NTM: variants seen among roughly 807,000 people sequenced by gnomAD.
NTM encodes neurotrimin, also known as IgLON family member 2.
In NTM, 13 loss-of-function variants were observed where a neutral mutation model predicts 42.1. The observed-to-expected ratio is 0.31, with a 90% CI of 0.20 to 0.49. The LOEUF is 0.49. NTM is among the 20% of genes least tolerant of loss of function. The probability of loss-of-function intolerance (pLI) is 0.99; values close to 1 mark genes in which losing one functional copy is unlikely to be tolerated. For synonymous variants in NTM, 187 were observed against 179.2 expected, an observed-to-expected ratio of 1.04 and a Z score of -0.35; for missense variants, 373 against 452.8, an observed-to-expected ratio of 0.82 and a Z score of 1.60.
At chr11:131,425,182 A>C (rs924266662) in intron 1 of NTM, among the ~76,000 whole-genome samples, 1 of 152,052 alleles carries the variant, frequency 6.6e-6, no homozygotes, top group African/African-American at 2.4e-5. Context: ...GCGCCTGGCT[A>C]GTTGTCTCCT....
At chr11:131,731,247 CA>C (rs1368291212) in intron 1 of NTM, among the ~76,000 whole-genome samples, 6 of 152,264 alleles carry the variant, frequency 3.9e-5, no homozygotes, top group Non-Finnish European at 7.4e-5. Context: ...AGGAAAATCA[CA>C]AGCATTGTGT....
chr11:131,803,283 T>G (rs937062657), intron 1 of NTM, among the ~76,000 whole-genome samples: 6 of 151,522 alleles, frequency 4.0e-5, no homozygotes, highest in Non-Finnish European at 8.8e-5. Flanking sequence ...AGTTTGTCAC[T>G]AACGTATTTT....
chr11:131,685,598 A>G (rs1056768639), intron 1 of NTM, among the ~76,000 whole-genome samples: 1 of 152,156 alleles, frequency 6.6e-6, no homozygotes, highest in African/African-American at 2.4e-5. Context: ...GCAAGTGAAT[A>G]GCTCCTTCAC....
At chr11:132,255,888 G>A (rs562530771) in intron 4 of NTM, among the ~76,000 whole-genome samples, 29 of 152,106 alleles carry the variant, frequency 1.9e-4, no homozygotes, top group African/African-American at 4.3e-4. Flanking sequence ...AGCTGGTCTC[G>A]GTTGCACATC....
At chr11:131,608,159 T>A (rs893490010) in intron 1 of NTM, among the ~76,000 whole-genome samples, 4 of 152,210 alleles carry the variant, frequency 2.6e-5, no homozygotes, top group Non-Finnish European at 5.9e-5. Flanking sequence ...TGGTTTTTTA[T>A]CCTTGCGATA....
intron 1 of NTM, among the ~76,000 whole-genome samples, chr11:131,812,493 T>C (rs919146169): frequency 6.6e-6 from 1 of 152,024 alleles, no homozygotes; most frequent in African/African-American, 2.4e-5. Flanking sequence ...CTTCTCTCCA[T>C]CCCTCCTTTT....
intron 1 of NTM, among the ~76,000 whole-genome samples, chr11:131,892,420 G>A (rs545843828): frequency 2.0e-5 from 3 of 152,326 alleles, no homozygotes; most frequent in African/African-American, 7.2e-5. Context: ...TTACAATTGT[G>A]TGCACATAGT....
rs1441055418 is a variant in NTM at position 132,146,248 on chromosome 11, G to T, written c.168-34G>T. The T allele has an allele frequency of 6.2e-7, 1 of 1,611,980 alleles. No individual in the cohort carries two copies. Among genetic ancestry groups the T allele is most frequent in the Non-Finnish European group, 8.5e-7 (1 of 1,178,608 alleles). ...CTCTGATGGCTGCTGTCGTCTCTCA[G>T]TCCCTTGACGTACCTGTCTGGTCTT... On this transcript the variant is annotated intron_variant, in intron 2 of 8. Transcript: ENST00000683400. The surrounding 1 kb of genome is among the most constrained non-coding windows in gnomAD (Gnocchi z 4.5).
intron 1 of NTM, chr11:131,538,626 C>T (rs1017714015): frequency 6.6e-6 from 1 of 152,278 alleles, no homozygotes; most frequent in Admixed American, 6.5e-5. Context: ...TGTTGGTTCT[C>T]TCTGGACTGT....
Position 132,322,849 on chromosome 11 carries a change from CA to C in NTM, c.935-7301del, listed in dbSNP as rs1297371973. On this transcript the variant is annotated intron_variant, in intron 7 of 8. Transcript: ENST00000683400. ...ACTATATCTCAGACCACAGTGCAAT[CA>C]AACTAGAACTCAGGATTAAGAATCT... 1.4e-5 allele frequency among the ~76,000 whole-genome samples: 2 copies of C among 146,204 alleles called. 1 individual carries two copies. The highest frequency in any genetic ancestry group is 3.0e-5 in the Non-Finnish European group (2 of 65,734).
At chr11:131,650,382 A>T (rs373976869) in intron 1 of NTM, among the ~76,000 whole-genome samples, 1 of 152,152 alleles carries the variant, frequency 6.6e-6, no homozygotes, top group Admixed American at 6.5e-5. Context: ...TACTGACCTC[A>T]TTGGATGATG....
chr11:131,804,685 C>T (rs555020877), intron 1 of NTM, among the ~76,000 whole-genome samples: 1 of 152,184 alleles, frequency 6.6e-6, no homozygotes, highest in Non-Finnish European at 1.5e-5. Context: ...CTTCCTTGTA[C>T]CCCCAGGCCG....
Position 132,146,906 on chromosome 11 carries a change from T to C in NTM, c.400+392T>C. 4.6e-6 allele frequency: 1 copy of C among 215,160 alleles called. No homozygotes were observed. Among genetic ancestry groups the C allele is most frequent in the Non-Finnish European group, 9.2e-6 (1 of 108,122 alleles). The allele number at this position is 215,160 out of a possible 1,614,324, so 13.3% of individuals were successfully genotyped here. A position where few individuals can be genotyped will look rare whatever the true frequency, so the allele number is the denominator to read the frequency against. ...TTAAAACCAGACTTTTAATGCACTT[T>C]TGGAAGTACAGGTATGCCATGTCCC... On this transcript the variant is annotated intron_variant, in intron 3 of 8. Coordinates refer to ENST00000683400, the MANE Select transcript of NTM (RefSeq NM_001352005.2). This position sits in a 1 kb window ranked among gnomAD's most constrained non-coding sequence, Gnocchi z 4.5.
chr11:131,694,626 G>A (rs554265754), intron 1 of NTM, among the ~76,000 whole-genome samples: 57 of 152,330 alleles, frequency 3.7e-4, no homozygotes, highest in African/African-American at 1.3e-3. Context: ...AATGAGCTCA[G>A]GCAGGACAGG....
chr11:131,419,053 A>G (rs1179654891), intron 1 of NTM, among the ~76,000 whole-genome samples: 1 of 152,176 alleles, frequency 6.6e-6, no homozygotes, highest in Non-Finnish European at 1.5e-5. Flanking sequence ...AGATCCACCC[A>G]TCTTCCCATT....
At chr11:131,690,700 G>T (rs993034771) in intron 1 of NTM, among the ~76,000 whole-genome samples, 1 of 152,228 alleles carries the variant, frequency 6.6e-6, no homozygotes, top group African/African-American at 2.4e-5. Flanking sequence ...AGCAGCCTGG[G>T]GTCCAAGGAA....
At chr11:131,687,929 A>G (rs2074115141) in intron 1 of NTM, among the ~76,000 whole-genome samples, 3 of 152,150 alleles carry the variant, frequency 2.0e-5, no homozygotes, top group Admixed American at 1.3e-4. Context: ...CAATCAGTGG[A>G]CGTATTTTTA....
intron 2 of NTM, among the ~76,000 whole-genome samples, chr11:131,922,920 A>G (rs12293714): frequency 0.013 from 2,034 of 152,294 alleles, 24 homozygotes; most frequent in Non-Finnish European, 0.018. Context: ...GGGAATGCAG[A>G]ACGCTGAACT....
intron 1 of NTM, among the ~76,000 whole-genome samples, chr11:131,657,589 T>C (rs2067373492): frequency 6.6e-6 from 1 of 152,212 alleles, no homozygotes; most frequent in East Asian, 1.9e-4. Flanking sequence ...ACCTCTGTCT[T>C]GTCAATAGGA....
Sources: gnomAD v4.1 joint callset for allele counts (sites outside exome capture counted in the v4.1 genomes callset) on GRCh38, gnomAD v4.1.1 for gene constraint, Gnocchi (gnomAD v3.1) non-coding constraint, MANE v1.5 for transcripts, NCBI Gene and HGNC (gene_info 2026-07-23, HGNC 2026-07-21) for gene names.